The following MYOM1 variants were observed in gnomAD, a reference collection of about 807,000 sequenced individuals.
MYOM1 encodes the protein myomesin 1, also known as myomesin-1.
Under a neutral mutation model 205.3 loss-of-function variants are expected in MYOM1, and 164 were observed. The observed-to-expected ratio is 0.80, with a 90% CI of 0.70 to 0.91. MYOM1 has a LOEUF of 0.91. Ranked by LOEUF, MYOM1 falls within the 40% of genes least tolerant of loss-of-function variation. The probability of loss-of-function intolerance (pLI) is 0.00; values close to 1 mark genes in which losing one functional copy is unlikely to be tolerated. For missense variants in MYOM1, 2,011 were observed against 2,127.3 expected, an observed-to-expected ratio of 0.95 and a Z score of 1.08; for synonymous variants, 772 against 789.4, an observed-to-expected ratio of 0.98 and a Z score of 0.37.
intron 8 of MYOM1, among the ~76,000 whole-genome samples, chr18:3,173,332 T>C (rs2080587438): frequency 6.6e-6 from 1 of 152,174 alleles, no homozygotes; most frequent in African/African-American, 2.4e-5. Flanking sequence ...ACCCACTCTG[T>C]GGCAGGCCCA....
Position 3,067,388 on chromosome 18 carries a change from G to A in MYOM1, c.4932C>T (p.Tyr1644=), listed in dbSNP as rs753069783. 1.4e-5 allele frequency: 22 copies of A among 1,613,284 alleles called. No homozygotes were observed. Among genetic ancestry groups the A allele is most frequent in the Admixed American group, 1.7e-5 (1 of 60,016 alleles). ...CATACTTGTTCTTCACAACCAGCCC[G>A]TATTTGCCCGAGTCAGCGGTGCTCA... The part of the protein sequence containing the change: ...NGVSTADSGK[Y]GLVVKNKYGS... The change falls in exon 38 of 38, where the codon TAC becomes TAT. Residue 1644 remains tyrosine, a synonymous_variant. Transcript: ENST00000356443.
intron 14 of MYOM1, among the ~76,000 whole-genome samples, chr18:3,139,167 T>C (rs1361817166): frequency 2.6e-5 from 4 of 152,170 alleles, no homozygotes; most frequent in Non-Finnish European, 5.9e-5. Flanking sequence ...ATTTACCTCA[T>C]AGGACTACTC....
chr18:3,197,513 G>T (rs556948972), intron 2 of MYOM1, among the ~76,000 whole-genome samples: 1 of 152,258 alleles, frequency 6.6e-6, no homozygotes, highest in Non-Finnish European at 1.5e-5. Flanking sequence ...TGTATAAATA[G>T]TCTAATTTTA....
intron 20 of MYOM1, among the ~76,000 whole-genome samples, chr18:3,119,089 T>C (rs1351970703): frequency 6.6e-6 from 1 of 152,194 alleles, no homozygotes; most frequent in African/African-American, 2.4e-5. Flanking sequence ...TTTATAACTC[T>C]GTAAGAGTTA....
At chr18:3,157,677 C>CAAA (rs201070269) in intron 10 of MYOM1, among the ~76,000 whole-genome samples, 138 of 94,514 alleles carry the variant, frequency 1.5e-3, no homozygotes, top group Middle Eastern at 9.3e-3. Context: ...ACCTTGTCTC[C>CAAA]AAAAATAATA....
At chr18:3,092,339 C>G (rs914907925) in intron 26 of MYOM1, among the ~76,000 whole-genome samples, 2 of 152,142 alleles carry the variant, frequency 1.3e-5, no homozygotes, top group South Asian at 2.1e-4. Context: ...TACAGGCACA[C>G]ACCACTATGC....
At chr18:3,214,900 AG>A in intron 2 of MYOM1, 33 bp downstream of exon 2, 1 of 1,539,276 alleles carries the variant, frequency 6.5e-7, no homozygotes, top group Non-Finnish European at 8.7e-7. Flanking sequence ...CCTCTTCCTG[AG>A]GTTGGAAGGT....
intron 25 of MYOM1, among the ~76,000 whole-genome samples, chr18:3,098,041 T>A (rs911771517): frequency 6.6e-6 from 1 of 152,190 alleles, no homozygotes; most frequent in South Asian, 2.1e-4. Flanking sequence ...GTCTAGACAC[T>A]TAATCAATGT....
chr18:3,170,244 C>T (rs1405706540), intron 8 of MYOM1, among the ~76,000 whole-genome samples: 1 of 152,022 alleles, frequency 6.6e-6, no homozygotes, highest in African/African-American at 2.4e-5. Flanking sequence ...TAATTTATTG[C>T]ATATTTTCAA....
At position 3,135,349 on chromosome 18, in the gene MYOM1, T is replaced by C; in HGVS notation, c.2209+198A>G. On this transcript the variant is annotated intron_variant, in intron 15 of 37. Transcript: ENST00000356443. The surrounding 1 kb of genome is among the most constrained non-coding windows in gnomAD (Gnocchi z 4.1). ...AGAAAAAACACATTATCAATATTGTTGAAACTCCCAAAGAAGTTTACTTTT... is the reference window on the plus strand; with the variant it reads ...AGAAAAAACACATTATCAATATTGTCGAAACTCCCAAAGAAGTTTACTTTT... 1 of 506,280 alleles carries C rather than the reference T, an allele frequency of 2.0e-6. No homozygotes were observed. The highest frequency in any genetic ancestry group is 3.4e-6 in the Non-Finnish European group (1 of 290,758). 31.4% of individuals were successfully genotyped at this position (506,280 alleles called of 1,614,324 possible). A position where few individuals can be genotyped will look rare whatever the true frequency, so the allele number is the denominator to read the frequency against.
At chr18:3,237,992 C>T in the MYOM1 span, among the ~76,000 whole-genome samples, 2 of 151,886 alleles carry the variant, frequency 1.3e-5, no homozygotes, top group Non-Finnish European at 1.5e-5. Flanking sequence ...GGGTGGCGGT[C>T]GGGGGGCAAT....
intron 9 of MYOM1, among the ~76,000 whole-genome samples, chr18:3,165,453 T>G (rs964839745): frequency 2.9e-4 from 44 of 151,956 alleles, no homozygotes; most frequent in African/African-American, 9.7e-4. Flanking sequence ...TCCTTGTTAA[T>G]AATAGGCTTA....
At chr18:3,235,899 G>A in the MYOM1 span, among the ~76,000 whole-genome samples, 1 of 152,220 alleles carries the variant, frequency 6.6e-6, no homozygotes, top group African/African-American at 2.4e-5. Flanking sequence ...CATGAGTAGT[G>A]AAGAATCTGA....
chr18:3,089,734 T>C (rs1243817447), intron 27 of MYOM1, 138 bp from the exon 28 acceptor site: 1 of 561,140 alleles, frequency 1.8e-6, no homozygotes, highest in Non-Finnish European at 2.9e-6. Context: ...TTTATCTTTA[T>C]AGATGAAGAA....
At position 3,079,269 on chromosome 18, in the gene MYOM1, C is replaced by T. The variant is rs755380862; in HGVS notation, c.4558G>A (p.Glu1520Lys). The part of the protein sequence containing the change: ...TGEQIWLQIN[E>K]PTPNDKGKYV... ...TTCCCTTTGTCATTCGGGGTGGGCTCGTTGATTTGTAGCCAGATCTGCTCT... is the reference window on the plus strand; with the variant it reads ...TTCCCTTTGTCATTCGGGGTGGGCTTGTTGATTTGTAGCCAGATCTGCTCT... Residue 1520 changes from glutamate (E) to lysine (K), a missense_variant, in exon 34 of 38, where the codon GAG (glutamate) becomes AAG (lysine). Glu to Lys is a moderately conservative substitution (Grantham distance 56). Coordinates refer to ENST00000356443, the MANE Select transcript of MYOM1 (RefSeq NM_003803.4). 1.3e-5 allele frequency: 21 copies of T among 1,613,862 alleles called. No homozygotes were observed. Among genetic ancestry groups the T allele is most frequent in the Middle Eastern group, 1.7e-4 (1 of 6,052 alleles).
At chr18:3,124,230 C>T (rs117519931) in intron 19 of MYOM1, among the ~76,000 whole-genome samples, 2,861 of 151,354 alleles carry the variant, frequency 0.019, 45 homozygotes, top group Non-Finnish European at 0.027. Flanking sequence ...CACAGACTCA[C>T]GCATATAAGG....
rs770278592 is a variant in MYOM1 at position 3,072,973 on chromosome 18, A to ATTTT, written c.4709-1088_4709-1085dup. On this transcript the variant is annotated intron_variant, in intron 36 of 37. Transcript: ENST00000356443. ...ATTGGAGGCTCATGCAGATGTAAGCATTTTTTTTTTTTTTTTTTTTTTTTA... is the reference window on the plus strand; with the variant it reads ...ATTGGAGGCTCATGCAGATGTAAGCATTTTTTTTTTTTTTTTTTTTTTTTTTTTA... Among the ~76,000 whole-genome samples the ATTTT allele has an allele frequency of 9.2e-4, 94 of 102,438 alleles. 2 individuals carry two copies. The highest frequency in any genetic ancestry group is 6.8e-3 in the Middle Eastern group (1 of 146). The allele number at this position is 102,438 out of a possible 152,430, so 67.2% of individuals were successfully genotyped here. A position where few individuals can be genotyped will look rare whatever the true frequency, so the allele number is the denominator to read the frequency against.
chr18:3,240,391 T>C, the MYOM1 span, among the ~76,000 whole-genome samples: 5 of 152,190 alleles, frequency 3.3e-5, no homozygotes, highest in African/African-American at 9.7e-5. Flanking sequence ...GGGGCAGGTC[T>C]TTCCCGTGCT....
At chr18:3,188,474 C>A (rs558576157) in intron 4 of MYOM1, among the ~76,000 whole-genome samples, 1 of 141,792 alleles carries the variant, frequency 7.1e-6, no homozygotes, top group African/African-American at 2.8e-5. Flanking sequence ...AAAACAACAA[C>A]GAAAATTAGC....
Sources: gnomAD v4.1 joint callset for allele counts (sites outside exome capture counted in the v4.1 genomes callset) on GRCh38, gnomAD v4.1.1 for gene constraint, Gnocchi (gnomAD v3.1) non-coding constraint, MANE v1.5 for transcripts, NCBI Gene and HGNC (gene_info 2026-07-23, HGNC 2026-07-21) for gene names.